The following TAFA4 variants were observed in gnomAD, a reference collection of about 807,000 sequenced individuals.
TAFA4 encodes the protein TAFA chemokine like family member 4.
Under a neutral mutation model 21.1 loss-of-function variants are expected in TAFA4, and 20 were observed. That is an observed-to-expected ratio of 0.95 (90% CI 0.67 to 1.38). The LOEUF (loss-of-function observed/expected upper bound fraction) is 1.38. Ranked by LOEUF, TAFA4 falls within the 40% of genes most tolerant of loss-of-function variation. The pLI is 0.00. For synonymous variants in TAFA4, 71 were observed against 67.4 expected (o/e 1.05, Z -0.26); for missense variants, 211 against 180.9 (o/e 1.17, Z -0.95).
At chr3:68,839,332 G>A (rs972761809) in intron 3 of TAFA4, among the ~76,000 whole-genome samples, 8 of 152,198 alleles carry the variant, frequency 5.3e-5, no homozygotes, top group Non-Finnish European at 1.0e-4. Flanking sequence ...TCTGGTTTCA[G>A]ATACAGCAAG....
At chr3:68,790,314 A>G (rs1703338675) in intron 3 of TAFA4, among the ~76,000 whole-genome samples, 1 of 152,176 alleles carries the variant, frequency 6.6e-6, no homozygotes, top group South Asian at 2.1e-4. Context: ...CAATAAATAA[A>G]TTGAAATGAA....
At position 68,913,396 on chromosome 3, in the gene TAFA4, G is replaced by A. The variant is rs550710382; in HGVS notation, c.-123+18844C>T. On this transcript the variant is annotated intron_variant, in intron 1 of 5. Transcript: ENST00000295569. ...CCCAGTTCCACCTCCTTGTATACCC[G>A]GTGGCTGGGCGGAGTTGCAAAATAA... Among the ~76,000 whole-genome samples, 16 of 152,214 alleles carry A rather than the reference G, an allele frequency of 1.1e-4. No homozygotes were observed. In the South Asian group the frequency reaches 3.3e-3, roughly 32 times the overall value.
intron 3 of TAFA4, among the ~76,000 whole-genome samples, chr3:68,794,031 G>A (rs1703411797): frequency 6.6e-6 from 1 of 152,172 alleles, no homozygotes; most frequent in Non-Finnish European, 1.5e-5. Flanking sequence ...GAGGAGCTTT[G>A]AGGATCCTGA....
At chr3:68,854,208 T>C (rs527628879) in intron 3 of TAFA4, among the ~76,000 whole-genome samples, 1 of 151,892 alleles carries the variant, frequency 6.6e-6, no homozygotes, top group African/African-American at 2.4e-5. Flanking sequence ...GAAAGAGGGC[T>C]CCAGGTGGAG....
intron 1 of TAFA4, among the ~76,000 whole-genome samples, chr3:68,926,087 C>T (rs2090105631): frequency 6.6e-6 from 1 of 152,052 alleles, no homozygotes; most frequent in Non-Finnish European, 1.5e-5. Context: ...CAAAAATTAG[C>T]CAGGCATGGT....
At chr3:68,923,065 G>A (rs1221355362) in intron 1 of TAFA4, among the ~76,000 whole-genome samples, 1 of 152,136 alleles carries the variant, frequency 6.6e-6, no homozygotes, top group Non-Finnish European at 1.5e-5. Context: ...AGGATTCCAT[G>A]AGGCCCAGCT....
chr3:68,786,664 C>G (rs1283348688), intron 3 of TAFA4, among the ~76,000 whole-genome samples: 1 of 152,182 alleles, frequency 6.6e-6, no homozygotes, highest in East Asian at 1.9e-4. Context: ...TTATCTAGCT[C>G]ATCTCAGAAG....
intron 3 of TAFA4, among the ~76,000 whole-genome samples, chr3:68,768,833 C>A (rs1702902721): frequency 6.6e-6 from 1 of 152,008 alleles, no homozygotes; most frequent in African/African-American, 2.4e-5. Context: ...ATGAAATAAA[C>A]CAGGCACAGA....
intron 3 of TAFA4, among the ~76,000 whole-genome samples, chr3:68,874,105 C>G (rs2089519382): frequency 6.6e-6 from 1 of 152,176 alleles, no homozygotes; most frequent in African/African-American, 2.4e-5. Context: ...AAACAGAGCC[C>G]AGTTGGAGAC....
intron 3 of TAFA4, among the ~76,000 whole-genome samples, chr3:68,861,030 A>ACCCCCCCCCCCCCCCCCCCCCCCCCCCC (rs113804738): frequency 9.0e-6 from 1 of 111,018 alleles, no homozygotes; most frequent in African/African-American, 3.2e-5. Flanking sequence ...TTAAATATGC[A>ACCCCCCCCCCCCCCCCCCCCCCCCCCCC]CCCCCCCCCC....
At chr3:68,785,491 A>C (rs1463335826) in intron 3 of TAFA4, among the ~76,000 whole-genome samples, 1 of 152,214 alleles carries the variant, frequency 6.6e-6, no homozygotes, top group Non-Finnish European at 1.5e-5. Context: ...CCCGGCGAGA[A>C]ATGGAGCACA....
chr3:68,797,605 T>TC (rs1575612436), intron 3 of TAFA4, among the ~76,000 whole-genome samples: 1 of 99,732 alleles, frequency 1.0e-5, no homozygotes, highest in East Asian at 2.8e-4. Context: ...AGAGTGAGAC[T>TC]CCATCTCAAA....
At chr3:68,929,506 T>C (rs1331307669) in intron 1 of TAFA4, among the ~76,000 whole-genome samples, 2 of 152,248 alleles carry the variant, frequency 1.3e-5, no homozygotes, top group African/African-American at 4.8e-5. Context: ...TCCTGAGTGA[T>C]TTAATAGCCA....
At chr3:68,735,074 TCCCATTCATCAGGGTAC>T (rs990788287) in intron 5 of TAFA4, among the ~76,000 whole-genome samples, 3 of 152,110 alleles carry the variant, frequency 2.0e-5, no homozygotes, top group Non-Finnish European at 4.4e-5. Context: ...TTAGCTCTAT[TCCCATTCATCAGGGTAC>T]CCTGAGCATT....
chr3:68,866,637 C>A (rs1168421993), intron 3 of TAFA4, among the ~76,000 whole-genome samples: 3 of 41,114 alleles, frequency 7.3e-5, no homozygotes, highest in African/African-American at 1.0e-4. Flanking sequence ...ATCAAGGATT[C>A]AAAATAGCAG....
intron 4 of TAFA4, among the ~76,000 whole-genome samples, chr3:68,747,023 G>A (rs916015346): frequency 6.6e-6 from 1 of 152,078 alleles, no homozygotes; most frequent in Non-Finnish European, 1.5e-5. Context: ...TCCCCAAGGG[G>A]GCAAAATCGC....
chr3:68,893,363 G>A (rs2089752397), intron 1 of TAFA4, among the ~76,000 whole-genome samples: 1 of 152,150 alleles, frequency 6.6e-6, no homozygotes, highest in Non-Finnish European at 1.5e-5. Flanking sequence ...TAACCAGAAT[G>A]TAAAGTTCTT....
Position 68,779,963 on chromosome 3 carries a change from A to T in TAFA4, c.131-26945T>A, listed in dbSNP as rs183961484. On this transcript the variant is annotated intron_variant, in intron 3 of 5. Coordinates refer to ENST00000295569, the MANE Select transcript of TAFA4 (RefSeq NM_182522.5). ...CAGCTGAGAGGAGGGCTACACCCTG[A>T]AAAGCCACAGAGGAGGAGCTGCCCA... Among the ~76,000 whole-genome samples, 150 of 152,340 alleles carry T rather than the reference A, an allele frequency of 9.8e-4. 1 individual carries two copies. The East Asian group carries it at 0.011, about 11-fold the overall frequency.
At chr3:68,903,228 A>G (rs1046312613) in intron 1 of TAFA4, among the ~76,000 whole-genome samples, 2 of 152,170 alleles carry the variant, frequency 1.3e-5, no homozygotes, top group African/African-American at 4.8e-5. Context: ...GCTATAAAGC[A>G]ACTGCCAGCC....
Sources: allele counts gnomAD v4.1 joint callset (sites outside exome capture counted in the v4.1 genomes callset), GRCh38; gene constraint gnomAD v4.1.1; transcripts MANE v1.5; gene names NCBI Gene and HGNC (gene_info 2026-07-23, HGNC 2026-07-21).